EXOC2: variants seen among roughly 807,000 people sequenced by gnomAD.
The protein encoded by EXOC2 is SEC5-like 1.
A neutral mutation model predicts 131.8 loss-of-function variants in EXOC2; 70 were observed. The observed-to-expected ratio is 0.53, with a 90% confidence interval of 0.44 to 0.65. EXOC2 has a LOEUF of 0.65. Among genes scored for constraint, EXOC2 ranks in the 30% least tolerant of loss-of-function variants. The probability of loss-of-function intolerance (pLI) is 0.00; values close to 1 mark genes in which losing one functional copy is unlikely to be tolerated. For missense variants in EXOC2, 923 were observed against 1,108.6 expected, an observed-to-expected ratio of 0.83 and a Z score of 2.38; for synonymous variants, 411 against 398.4, an observed-to-expected ratio of 1.03 and a Z score of -0.38.
chr6:584,417 TGCA>T (rs1166188610), intron 11 of EXOC2, among the ~76,000 whole-genome samples: 1 of 152,250 alleles, frequency 6.6e-6, no homozygotes, highest in African/African-American at 2.4e-5. Flanking sequence ...CTATGATTTA[TGCA>T]TGTATGTTAT....
intron 23 of EXOC2, among the ~76,000 whole-genome samples, chr6:500,396 A>G (rs1763975309): frequency 6.6e-6 from 1 of 152,206 alleles, no homozygotes; most frequent in Non-Finnish European, 1.5e-5. Flanking sequence ...AGGATTTAAG[A>G]ATGTGGGGTC....
chr6:558,099 C>T (rs1385111217), intron 17 of EXOC2, among the ~76,000 whole-genome samples: 2 of 152,126 alleles, frequency 1.3e-5, no homozygotes, highest in African/African-American at 4.8e-5. Context: ...CTCTCTTCAA[C>T]ACATGCATTA....
intron 11 of EXOC2, among the ~76,000 whole-genome samples, chr6:587,856 G>A (rs2127619074): frequency 6.6e-6 from 1 of 152,286 alleles, no homozygotes; most frequent in African/African-American, 2.4e-5. Context: ...TTAGGTAATG[G>A]TCATGGTATT....
chr6:522,285 C>T lies in EXOC2; in HGVS notation c.2380+10184G>A, dbSNP rs1027727990. On this transcript the variant is annotated intron_variant, in intron 23 of 27. Transcript: ENST00000230449. ...CAGGTCCACGCGGACTGCAGGACAG[C>T]GTGTGGGGGAGCATTGAGCTGGGCT... Among the ~76,000 whole-genome samples the T allele has an allele frequency of 5.4e-5, 8 of 148,690 alleles. 2 individuals are homozygous for T. The South Asian group carries it at 6.4e-4, about 12-fold the overall frequency.
Position 617,816 on chromosome 6 carries a change from C to A in EXOC2, c.556G>T (p.Ala186Ser), listed in dbSNP as rs1761090782. ...GCCTGTCTCTTTAGGTTGGTGACTGCCATTTTGAGCTGCTCAAAACTGAAA... is the reference window on the plus strand; with the variant it reads ...GCCTGTCTCTTTAGGTTGGTGACTGACATTTTGAGCTGCTCAAAACTGAAA... ...SNTSFEQLKMAVTNLKRQANK... is the reference protein window; with the variant it reads ...SNTSFEQLKMSVTNLKRQANK... Residue 186 changes from alanine (A) to serine (S), a missense_variant, in exon 6 of 28, where the codon GCA becomes TCA. Coordinates refer to ENST00000230449, the MANE Select transcript of EXOC2 (RefSeq NM_018303.6). 4 of 1,613,172 alleles carry A rather than the reference C, an allele frequency of 2.5e-6. No homozygotes were observed. Among genetic ancestry groups the A allele is most frequent in the South Asian group, 1.1e-5 (1 of 90,806 alleles).
At chr6:527,845 TA>T (rs1561818040) in intron 23 of EXOC2, among the ~76,000 whole-genome samples, 3 of 152,122 alleles carry the variant, frequency 2.0e-5, no homozygotes, top group African/African-American at 7.2e-5. Context: ...TACATTAATT[TA>T]AATTTTTATG....
At chr6:633,778 T>C (rs1460831269) in intron 2 of EXOC2, among the ~76,000 whole-genome samples, 1 of 152,176 alleles carries the variant, frequency 6.6e-6, no homozygotes, top group African/African-American at 2.4e-5. Context: ...CTACACTACA[T>C]TCTGCTCTTA....
At chr6:577,411 T>C (rs73376490) in intron 11 of EXOC2, among the ~76,000 whole-genome samples, 224 of 152,322 alleles carry the variant, frequency 1.5e-3, no homozygotes, top group African/African-American at 5.2e-3. Flanking sequence ...CATCAAGAAA[T>C]TGTCTTTATT....
chr6:558,185 A>G (rs532778392), intron 17 of EXOC2, among the ~76,000 whole-genome samples: 3 of 152,338 alleles, frequency 2.0e-5, no homozygotes, highest in African/African-American at 7.2e-5. Context: ...TAAAAAGACA[A>G]GTTTATTTTC....
intron 23 of EXOC2, among the ~76,000 whole-genome samples, chr6:528,224 T>A (rs1428855497): frequency 1.3e-5 from 2 of 152,192 alleles, no homozygotes; most frequent in Non-Finnish European, 2.9e-5. Flanking sequence ...TTTTTTTTTT[T>A]AATCACTACA....
intron 10 of EXOC2, among the ~76,000 whole-genome samples, chr6:596,013 C>T (rs1759795986): frequency 6.6e-6 from 1 of 152,114 alleles, no homozygotes; most frequent in African/African-American, 2.4e-5. Context: ...TCCCGTCCCC[C>T]GGGTCACTGT....
At chr6:539,210 G>A (rs531437359) in intron 22 of EXOC2, among the ~76,000 whole-genome samples, 1 of 152,194 alleles carries the variant, frequency 6.6e-6, no homozygotes, top group African/African-American at 2.4e-5. Context: ...CACTGAATTC[G>A]TACATATTAG....
At chr6:680,753 A>G (rs924088714) in intron 1 of EXOC2, among the ~76,000 whole-genome samples, 1 of 152,162 alleles carries the variant, frequency 6.6e-6, no homozygotes, top group African/African-American at 2.4e-5. Flanking sequence ...ATTATAACAA[A>G]TGATAGTATC....
At chr6:579,155 C>T (rs1001342168) in intron 11 of EXOC2, among the ~76,000 whole-genome samples, 7 of 152,164 alleles carry the variant, frequency 4.6e-5, no homozygotes, top group Admixed American at 1.3e-4. Flanking sequence ...CCTGAAAATA[C>T]GCATATACCA....
At chr6:680,630 C>G (rs908001249) in intron 1 of EXOC2, among the ~76,000 whole-genome samples, 1 of 152,190 alleles carries the variant, frequency 6.6e-6, no homozygotes, top group Admixed American at 6.5e-5. Context: ...AGAGGGTCTC[C>G]TTAAGAACGC....
At chr6:631,236 T>C (rs1328675251) in intron 3 of EXOC2, among the ~76,000 whole-genome samples, 2 of 152,156 alleles carry the variant, frequency 1.3e-5, no homozygotes, top group African/African-American at 4.8e-5. Context: ...CACTCTTGAG[T>C]TCAGTTCAAG....
chr6:666,309 G>C lies in EXOC2; in HGVS notation c.-44+26710C>G, dbSNP rs74399783. Among the ~76,000 whole-genome samples, 308 of 152,310 alleles carry C rather than the reference G, an allele frequency of 2.0e-3. 1 individual carries two copies. The highest frequency in any genetic ancestry group is 7.1e-3 in the African/African-American group (294 of 41,556). On this transcript the variant is annotated intron_variant, in intron 1 of 27. Coordinates refer to ENST00000230449, the MANE Select transcript of EXOC2 (RefSeq NM_018303.6). ...AATATATCAAAAACTAGGAGGAAAA[G>C]TCAAAACCATTGGAAAATATGTAAA...
intron 11 of EXOC2, among the ~76,000 whole-genome samples, chr6:591,304 C>A (rs77338297): frequency 6.6e-6 from 1 of 152,142 alleles, no homozygotes; most frequent in Admixed American, 6.5e-5. Flanking sequence ...GACTCCCCAT[C>A]GCACTCTGGG....
intron 10 of EXOC2, among the ~76,000 whole-genome samples, chr6:594,157 C>G (rs1374661778): frequency 6.6e-6 from 1 of 152,244 alleles, no homozygotes; most frequent in Non-Finnish European, 1.5e-5. Flanking sequence ...CACTCCTCCT[C>G]ATAAATGAGA....
Sources: gnomAD v4.1 joint callset for allele counts (sites outside exome capture counted in the v4.1 genomes callset) on GRCh38, gnomAD v4.1.1 for gene constraint, MANE v1.5 for transcripts, NCBI Gene and HGNC (gene_info 2026-07-23, HGNC 2026-07-21) for gene names.